The following KCNQ1 variants were observed in gnomAD, a reference collection of about 807,000 sequenced individuals.
KCNQ1 encodes potassium voltage-gated channel subfamily KQT member 1.
Under a neutral mutation model 72.4 loss-of-function variants are expected in KCNQ1, and 49 were observed. The observed-to-expected ratio is 0.68, with a 90% CI of 0.54 to 0.86. The LOEUF is 0.86. Ranked by LOEUF, KCNQ1 falls within the 40% of genes least tolerant of loss-of-function variation. KCNQ1 has a pLI of 0.00. For synonymous variants in KCNQ1, 450 were observed against 412.6 expected (o/e 1.09, Z -1.10); for missense variants, 790 against 945.1 (o/e 0.84, Z 2.15).
rs1442061642 is a variant in KCNQ1 at position 2,547,743 on chromosome 11, T to G, written c.477+19725T>G. ...CCACAACCTTGGGTGGACTACTGACTACTTCGCGGGTAAGAAATGGTGAGT... is the reference window on the plus strand; with the variant it reads ...CCACAACCTTGGGTGGACTACTGACGACTTCGCGGGTAAGAAATGGTGAGT... On this transcript the variant is annotated intron_variant, in intron 2 of 15. Transcript: ENST00000155840. This position sits in a 1 kb window ranked among gnomAD's most constrained non-coding sequence, Gnocchi z 4.2. Among the ~76,000 whole-genome samples the G allele has an allele frequency of 1.3e-5, 2 of 152,170 alleles. No homozygotes were observed. The highest frequency in any genetic ancestry group is 2.9e-5 in the Non-Finnish European group (2 of 68,030).
intron 1 of KCNQ1, among the ~76,000 whole-genome samples, chr11:2,487,435 A>T (rs1846758825): frequency 6.6e-6 from 1 of 152,184 alleles, no homozygotes; most frequent in South Asian, 2.1e-4. Flanking sequence ...TTTGAGAGGG[A>T]TTGCACTGAA....
intron 1 of KCNQ1, among the ~76,000 whole-genome samples, chr11:2,455,182 C>T (rs895612261): frequency 6.6e-6 from 1 of 151,766 alleles, no homozygotes; most frequent in Non-Finnish European, 1.5e-5. Context: ...ACTGCAAGCT[C>T]TGCCTCCCAG....
At chr11:2,631,825 C>G in intron 10 of KCNQ1, 1 of 398,546 alleles carries the variant, frequency 2.5e-6, no homozygotes, top group Non-Finnish European at 4.4e-6. Flanking sequence ...TGTCCTGATG[C>G]TGTCGTGTAA....
rs1411896095 is a variant in KCNQ1, at chr11:2,492,240, AAG to A, written c.387-35686_387-35685del. Reference sequence around the variant, plus strand: ...ATATATTAAGTAGAAGGATGAAAAGAAGAACTGATAAATAATGACTACAACAA... The same window carrying A: ...ATATATTAAGTAGAAGGATGAAAAGAAACTGATAAATAATGACTACAACAA... On this transcript the variant is annotated intron_variant, in intron 1 of 15. Coordinates refer to ENST00000155840, the MANE Select transcript of KCNQ1 (RefSeq NM_000218.3). This position sits in a 1 kb window ranked among gnomAD's most constrained non-coding sequence, Gnocchi z 4.1. 6.8e-6 allele frequency among the ~76,000 whole-genome samples: 1 copy of A among 146,688 alleles called. No individual in the cohort carries two copies. The highest frequency in any genetic ancestry group is 1.5e-5 in the Non-Finnish European group (1 of 67,070).
chr11:2,448,191 G>A (rs1490548710), intron 1 of KCNQ1, among the ~76,000 whole-genome samples: 1 of 152,192 alleles, frequency 6.6e-6, no homozygotes, highest in Admixed American at 6.5e-5. Flanking sequence ...ATCTACTCTG[G>A]TTGCTGAGAT....
In KCNQ1 at chr11:2,463,526, C is replaced by T. The variant is rs576889855; in HGVS notation, c.386+18042C>T. Among the ~76,000 whole-genome samples, 94 of 152,268 alleles carry T rather than the reference C, an allele frequency of 6.2e-4. No individual in the cohort carries two copies. The highest frequency in any genetic ancestry group is 9.7e-4 in the Non-Finnish European group (66 of 68,018). On this transcript the variant is annotated intron_variant, in intron 1 of 15. Transcript: ENST00000155840. The surrounding 1 kb of genome is among the most constrained non-coding windows in gnomAD (Gnocchi z 7.0). ...TCCCCTGGACAGGCTCCACCTCCCTCTTATCGTGGCCCCTTTGGCAGGCTG... is the reference window on the plus strand; with the variant it reads ...TCCCCTGGACAGGCTCCACCTCCCTTTTATCGTGGCCCCTTTGGCAGGCTG...
intron 11 of KCNQ1, among the ~76,000 whole-genome samples, chr11:2,719,331 C>A (rs868838954): frequency 7.6e-4 from 96 of 125,952 alleles, no homozygotes; most frequent in African/African-American, 8.9e-4. Flanking sequence ...CTGTCTCTAC[C>A]AAAAAAAAAA....
At chr11:2,587,460 C>T in intron 8 of KCNQ1, 110 bp from the exon 9 acceptor site, 1 of 1,513,108 alleles carries the variant, frequency 6.6e-7, no homozygotes, top group Non-Finnish European at 9.1e-7. Flanking sequence ...CCCTGCCACC[C>T]AGAGGGGAGG....
intron 11 of KCNQ1, chr11:2,672,283 C>G (rs1850198396): frequency 2.5e-6 from 1 of 398,650 alleles, no homozygotes; most frequent in Non-Finnish European, 4.4e-6. Context: ...CGAACCCCAC[C>G]AGCTGGGTGT....
Position 2,588,625 on chromosome 11 carries a change from G to C in KCNQ1, c.1252-88G>C. On this transcript the variant is annotated intron_variant, in intron 9 of 15. Coordinates refer to ENST00000155840, the MANE Select transcript of KCNQ1 (RefSeq NM_000218.3). This position sits in a 1 kb window ranked among gnomAD's most constrained non-coding sequence, Gnocchi z 5.6. ...GGTGTATGTGGCGGGGGCTGGGCTC[G>C]GGGCGGCTGCACAGGCACTCTGGGG... 1.9e-6 allele frequency: 3 copies of C among 1,544,670 alleles called. No homozygotes were observed. The highest frequency in any genetic ancestry group is 1.8e-6 in the Non-Finnish European group (2 of 1,129,028).
In KCNQ1 at chr11:2,450,375, A is replaced by G. The variant is rs910815965; in HGVS notation, c.386+4891A>G. ...GTGTCGGCCCGGGGAGATGCCGCAG[A>G]GAAGCTTCCAGAAGCCCAACATCTG... On this transcript the variant is annotated intron_variant, in intron 1 of 15. Coordinates refer to ENST00000155840, the MANE Select transcript of KCNQ1 (RefSeq NM_000218.3). This position sits in a 1 kb window ranked among gnomAD's most constrained non-coding sequence, Gnocchi z 7.9. Among the ~76,000 whole-genome samples the G allele has an allele frequency of 6.6e-6, 1 of 152,178 alleles. No homozygotes were observed. Among genetic ancestry groups the G allele is most frequent in the African/African-American group, 2.4e-5 (1 of 41,462 alleles).
rs1404664159 is a variant in KCNQ1, at chr11:2,676,638, CAGAT to C, written c.1514+14564_1514+14567del. On this transcript the variant is annotated intron_variant, in intron 11 of 15. Transcript: ENST00000155840. The surrounding 1 kb of genome is among the most constrained non-coding windows in gnomAD (Gnocchi z 4.2). Reference sequence around the variant, plus strand: ...AGAAATGGGTAGCTTCACAGATTCACAGATAGATAGTTCATTAAGGTCTTGAGTA... The same window carrying C: ...AGAAATGGGTAGCTTCACAGATTCACAGATAGTTCATTAAGGTCTTGAGTA... The C allele has an allele frequency of 1.0e-5, 4 of 398,538 alleles. No individual in the cohort carries two copies. Among genetic ancestry groups the C allele is most frequent in the African/African-American group, 2.1e-5 (1 of 48,626 alleles). The allele number at this position is 398,538 out of a possible 1,614,324, so 24.7% of individuals were successfully genotyped here.
At position 2,677,495 on chromosome 11, in the gene KCNQ1, T is replaced by C. The variant is rs914931984; in HGVS notation, c.1514+15414T>C. ...AACCATGCCATACTTCTACAAAAAA[T>C]GATCCTCTCTGTGGAAGTGCTGCCA... is the stretch of plus-strand genomic sequence containing the variant. On this transcript the variant is annotated intron_variant, in intron 11 of 15. Transcript: ENST00000155840. The surrounding 1 kb of genome is among the most constrained non-coding windows in gnomAD (Gnocchi z 4.5). 11 of 398,410 alleles carry C rather than the reference T, an allele frequency of 2.8e-5. No individual in the cohort carries two copies. The highest frequency in any genetic ancestry group is 4.4e-5 in the Non-Finnish European group (10 of 226,048). 24.7% of individuals were successfully genotyped at this position (398,410 alleles called of 1,614,324 possible). A position where few individuals can be genotyped will look rare whatever the true frequency, so the allele number is the denominator to read the frequency against.
At position 2,647,758 on chromosome 11, in the gene KCNQ1, T is replaced by C. The variant is rs77835752; in HGVS notation, c.1394-14203T>C. 0.013 allele frequency: 5,091 copies of C among 398,516 alleles called. 156 individuals are homozygous for C. The highest frequency in any genetic ancestry group is 0.079 in the East Asian group (2,219 of 28,052). The allele number at this position is 398,516 out of a possible 1,614,324, so 24.7% of individuals were successfully genotyped here. A position where few individuals can be genotyped will look rare whatever the true frequency, so the allele number is the denominator to read the frequency against. On this transcript the variant is annotated intron_variant, in intron 10 of 15. Coordinates refer to ENST00000155840, the MANE Select transcript of KCNQ1 (RefSeq NM_000218.3). This position sits in a 1 kb window ranked among gnomAD's most constrained non-coding sequence, Gnocchi z 4.0. Reference sequence around the variant, plus strand: ...TGTCCAGGAATTTATCTCTTTCCTCTAGGTTTTCTAATTGTTGACATATAG... The same window carrying C: ...TGTCCAGGAATTTATCTCTTTCCTCCAGGTTTTCTAATTGTTGACATATAG...
At chr11:2,728,423 C>T (rs1012251826) in intron 11 of KCNQ1, among the ~76,000 whole-genome samples, 26 of 152,228 alleles carry the variant, frequency 1.7e-4, no homozygotes, top group Non-Finnish European at 2.9e-4. Context: ...ACCTACCGAG[C>T]GTTTGACTCT....
rs1186661108 is a variant in KCNQ1 at position 2,725,011 on chromosome 11, TC to T, written c.1515-43831del. Among the ~76,000 whole-genome samples, 1 of 152,152 alleles carries T rather than the reference TC, an allele frequency of 6.6e-6. No individual in the cohort carries two copies. Among genetic ancestry groups the T allele is most frequent in the African/African-American group, 2.4e-5 (1 of 41,424 alleles). On this transcript the variant is annotated intron_variant, in intron 11 of 15. Coordinates refer to ENST00000155840, the MANE Select transcript of KCNQ1 (RefSeq NM_000218.3). The surrounding 1 kb of genome is among the most constrained non-coding windows in gnomAD (Gnocchi z 7.2). ...ACTTGGTGTGCCACCAGGGTCCCTG[TC>T]CGTTTAAGAAAAGCCTGTGGGCCCA...
chr11:2,664,765 G>A lies in KCNQ1; in HGVS notation c.1514+2684G>A. On this transcript the variant is annotated intron_variant, in intron 11 of 15. Transcript: ENST00000155840. The surrounding 1 kb of genome is among the most constrained non-coding windows in gnomAD (Gnocchi z 5.1). Reference sequence around the variant, plus strand: ...GGGATGTGTGCTGGGGTCTCACAGGGGGCAGAGTGGGTGGGAGGCAGTTAC... The same window carrying A: ...GGGATGTGTGCTGGGGTCTCACAGGAGGCAGAGTGGGTGGGAGGCAGTTAC... The A allele has an allele frequency of 2.5e-6, 1 of 398,772 alleles. No individual in the cohort carries two copies. The highest frequency in any genetic ancestry group is 3.6e-5 in the East Asian group (1 of 28,090). 24.7% of individuals were successfully genotyped at this position (398,772 alleles called of 1,614,324 possible).
intron 15 of KCNQ1, among the ~76,000 whole-genome samples, chr11:2,791,623 C>G (rs1294388986): frequency 2.6e-5 from 4 of 152,092 alleles, no homozygotes; most frequent in Non-Finnish European, 2.9e-5. Flanking sequence ...ACCGGCGGCA[C>G]AGGCCCAGCA....
At position 2,463,484 on chromosome 11, in the gene KCNQ1, A is replaced by G. The variant is rs1376043128; in HGVS notation, c.386+18000A>G. 6.6e-6 allele frequency among the ~76,000 whole-genome samples: 1 copy of G among 152,050 alleles called. No homozygotes were observed. ...GGCGGGCGGGGCTGGGGGGCTCTGT[A>G]GCCTTCCTGGCTTCGGTCCCCTGGA... On this transcript the variant is annotated intron_variant, in intron 1 of 15. Transcript: ENST00000155840. This position sits in a 1 kb window ranked among gnomAD's most constrained non-coding sequence, Gnocchi z 7.0.
Sources: gnomAD v4.1 joint callset for allele counts (sites outside exome capture counted in the v4.1 genomes callset) on GRCh38, gnomAD v4.1.1 for gene constraint, Gnocchi (gnomAD v3.1) non-coding constraint, MANE v1.5 for transcripts, NCBI Gene and HGNC (gene_info 2026-07-23, HGNC 2026-07-21) for gene names.